The following NOP58 variants were observed in gnomAD, a reference collection of about 807,000 sequenced individuals.
The protein encoded by NOP58 is NOP58 ribonucleoprotein.
Under a neutral mutation model 71.2 loss-of-function variants are expected in NOP58, and 44 were observed. That is an observed-to-expected ratio of 0.62 (90% CI 0.49 to 0.79). The LOEUF (loss-of-function observed/expected upper bound fraction) is 0.79. Among genes scored for constraint, NOP58 ranks in the 30% least tolerant of loss-of-function variants. The pLI is 0.00. For missense variants in NOP58, 538 were observed against 620.2 expected (o/e 0.87, Z 1.41); for synonymous variants, 228 against 200.3 (o/e 1.14, Z -1.17).
At chr2:202,294,101 G>A (rs1187668734) in intron 9 of NOP58, among the ~76,000 whole-genome samples, 1 of 151,410 alleles carries the variant, frequency 6.6e-6, no homozygotes, top group Non-Finnish European at 1.5e-5. Context: ...GGTCACCTGA[G>A]GTCAGGAGTT....
chr2:202,291,674 G>A (rs942978764), intron 8 of NOP58, among the ~76,000 whole-genome samples: 5 of 151,766 alleles, frequency 3.3e-5, no homozygotes, highest in African/African-American at 1.2e-4. Context: ...GCGCGTGGTG[G>A]CGTACACCTG....
chr2:202,296,721 G>GTTTT (rs1417563323), intron 10 of NOP58, among the ~76,000 whole-genome samples: 1 of 148,508 alleles, frequency 6.7e-6, no homozygotes, highest in African/African-American at 2.5e-5. Flanking sequence ...GCTTTTTTTT[G>GTTTT]TTTGTTTGTT....
intron 12 of NOP58, among the ~76,000 whole-genome samples, 158 bp downstream of exon 12, chr2:202,298,064 T>C (rs1689024479): frequency 6.6e-6 from 1 of 152,222 alleles, no homozygotes; most frequent in Admixed American, 6.5e-5. Context: ...TATGTTGTTT[T>C]GGAAAATGTG....
At chr2:202,271,583 A>G (rs1559258943) in intron 1 of NOP58, among the ~76,000 whole-genome samples, 2 of 152,090 alleles carry the variant, frequency 1.3e-5, no homozygotes, top group Admixed American at 6.6e-5. Context: ...ATAAAAAAAA[A>G]AAGAATAGCA....
In NOP58 at chr2:202,283,004, C is replaced by G. The variant is rs139465560; in HGVS notation, c.297+532C>G. ...CAAGGTAGGAGTATCACGAGGTCAG[C>G]AGATCGAGACCATCCTGGCTAACAC... On this transcript the variant is annotated intron_variant, in intron 4 of 14. Transcript: ENST00000264279. 6.7e-3 allele frequency among the ~76,000 whole-genome samples: 1,025 copies of G among 152,190 alleles called. 7 individuals are homozygous for G. The highest frequency in any genetic ancestry group is 9.8e-3 in the Non-Finnish European group (664 of 67,998).
In NOP58 at chr2:202,282,208, A is replaced by G. The variant is rs535210382; in HGVS notation, c.176-143A>G. On this transcript the variant is annotated intron_variant, in intron 3 of 14. Transcript: ENST00000264279. ...AATTGTGAAACATGTAACTTATAAA[A>G]CATATATCATTTCATTTCAGAAGTA... 39 of 655,276 alleles carry G rather than the reference A, an allele frequency of 6.0e-5. No individual in the cohort carries two copies. In the East Asian group the frequency reaches 1.0e-3, roughly 17 times the overall value. The allele number at this position is 655,276 out of a possible 1,614,324, so 40.6% of individuals were successfully genotyped here.
chr2:202,287,815 G>A, intron 6 of NOP58, 91 bp downstream of exon 6: 4 of 1,043,974 alleles, frequency 3.8e-6, no homozygotes, highest in African/African-American at 1.6e-5. Context: ...TCTGTCTGTT[G>A]AGAAAGAGAA....
intron 13 of NOP58, 74 bp downstream of exon 13, chr2:202,300,441 G>A (rs986223287): frequency 1.6e-6 from 2 of 1,230,296 alleles, no homozygotes; most frequent in Admixed American, 2.6e-5. Context: ...AGTCTTAAAA[G>A]TACATGCCAT....
intron 9 of NOP58, among the ~76,000 whole-genome samples, chr2:202,294,081 G>T (rs1688948990): frequency 6.6e-6 from 1 of 151,716 alleles, no homozygotes; most frequent in Non-Finnish European, 1.5e-5. Context: ...TTGAGAAGCT[G>T]AGGTGGGTGG....
intron 6 of NOP58, among the ~76,000 whole-genome samples, chr2:202,289,058 T>TGTGAA (rs1688841383): frequency 1.3e-5 from 2 of 151,928 alleles, no homozygotes; most frequent in South Asian, 2.1e-4. Context: ...AAGCAGAGGT[T>TGTGAA]GCAGTGAGCT....
chr2:202,288,340 C>G (rs1037283574), intron 6 of NOP58, among the ~76,000 whole-genome samples: 2 of 151,040 alleles, frequency 1.3e-5, no homozygotes, highest in African/African-American at 4.9e-5. Context: ...CAAAATTAAC[C>G]AGGCATGGTG....
chr2:202,286,239 G>A (rs1688784032), intron 5 of NOP58, among the ~76,000 whole-genome samples: 1 of 149,558 alleles, frequency 6.7e-6, no homozygotes, highest in Non-Finnish European at 1.5e-5. Context: ...AGTGGCTCAC[G>A]CCTGTAATAC....
chr2:202,287,647 CCTTT>C lies in NOP58; in HGVS notation c.435-9_435-6del. ...ATGCTATCTTGCTAATTTATTTTCCCCTTTCTTCCCAGCCTGTCTCGATATAGAT... is the reference window on the plus strand; with the variant it reads ...ATGCTATCTTGCTAATTTATTTTCCCCTTCCCAGCCTGTCTCGATATAGAT... On this transcript the variant is annotated splice_polypyrimidine_tract_variant and intron_variant, in intron 5 of 14. Transcript: ENST00000264279. 1 of 1,603,884 alleles carries C rather than the reference CCTTT, an allele frequency of 6.2e-7. No homozygotes were observed. The highest frequency in any genetic ancestry group is 2.2e-5 in the East Asian group (1 of 44,798).
intron 3 of NOP58, among the ~76,000 whole-genome samples, chr2:202,278,903 C>T (rs1337999727): frequency 6.6e-6 from 1 of 152,136 alleles, no homozygotes; most frequent in Non-Finnish European, 1.5e-5. Context: ...CTAACCTTGG[C>T]AGAGGGGTAG....
At position 202,290,348 on chromosome 2, in the gene NOP58, A is replaced by G; in HGVS notation, c.525A>G (p.Glu175=). 1 of 1,607,254 alleles carries G rather than the reference A, an allele frequency of 6.2e-7. No homozygotes were observed. The highest frequency in any genetic ancestry group is 8.5e-7 in the Non-Finnish European group (1 of 1,176,292). Residue 175 remains glutamate (E), a synonymous_variant, in exon 7 of 15, where the codon GAA becomes GAG. Transcript: ENST00000264279. The stretch of plus-strand genomic sequence containing the variant: ...CCTTGTTAGATGACTTGGATAAAGA[A>G]CTAAACAACTACATTATGCGATGTA... ...AISLLDDLDK[E]LNNYIMRCRE...
intron 12 of NOP58, chr2:202,299,976 T>TAGTA (rs1689064293): frequency 3.1e-6 from 1 of 326,948 alleles, no homozygotes; most frequent in Non-Finnish European, 5.6e-6. Context: ...TCCTGTACCA[T>TAGTA]AGTAACTACA....
intron 2 of NOP58, chr2:202,275,679 T>G (rs1459874584): frequency 6.7e-6 from 1 of 150,050 alleles, no homozygotes; most frequent in Non-Finnish European, 1.5e-5. Context: ...TTTTTTTGTT[T>G]GTTTTTTGAG....
chr2:202,276,449 G>T, intron 2 of NOP58: 1 of 513,626 alleles, frequency 1.9e-6, no homozygotes, highest in Non-Finnish European at 3.9e-6. Context: ...TGTCAATGAT[G>T]TATTCTTCTT....
intron 5 of NOP58, among the ~76,000 whole-genome samples, 184 bp from the exon 6 acceptor site, chr2:202,287,476 T>C (rs1170852389): frequency 3.3e-5 from 5 of 152,080 alleles, no homozygotes; most frequent in African/African-American, 1.2e-4. Context: ...TTTTTTAATG[T>C]GTATTTTCTG....
Sources: gnomAD v4.1 joint callset for allele counts (sites outside exome capture counted in the v4.1 genomes callset) on GRCh38, gnomAD v4.1.1 for gene constraint, MANE v1.5 for transcripts, NCBI Gene and HGNC (gene_info 2026-07-23, HGNC 2026-07-21) for gene names.